Variants in GNPDA1 observed in about 807,000 individuals in gnomAD.
GNPDA1 encodes glucosamine-6-phosphate deaminase 1.
Under a neutral mutation model 28.5 loss-of-function variants are expected in GNPDA1, and 24 were observed. The observed-to-expected ratio is 0.84, with a 90% CI of 0.61 to 1.19. The LOEUF (loss-of-function observed/expected upper bound fraction) is 1.19, where lower values mean the gene tolerates loss of function less well. Among genes scored for constraint, GNPDA1 ranks in the 50% most tolerant of loss-of-function variants. The probability of loss-of-function intolerance (pLI) is 0.00; values close to 1 mark genes in which losing one functional copy is unlikely to be tolerated. For synonymous variants in GNPDA1, 147 were observed against 139.3 expected (o/e 1.06, Z -0.39); for missense variants, 264 against 367.3 (o/e 0.72, Z 2.30).
In GNPDA1 at chr5:142,004,984, AC is replaced by A; in HGVS notation, c.541del (p.Val181CysfsTer6). Reference protein sequence around the residue: ...ARFFDGELTKVPTMALTVGVG... With the variant: ...ARFFDGELTKXPTMALTVGVG... ...CCCCACCGTCAAGGCCATGGTGGGC[AC>A]CTTGGTGAGTTCTCCATCGAAGAAC... is the stretch of plus-strand genomic sequence containing the variant. On this transcript the variant is annotated frameshift_variant, in exon 5 of 7. Transcript: ENST00000311337. LOFTEE classifies it high-confidence loss of function. The A allele has an allele frequency of 6.2e-7, 1 of 1,612,826 alleles. No individual in the cohort carries two copies. Among genetic ancestry groups the A allele is most frequent in the Non-Finnish European group, 8.5e-7 (1 of 1,179,140 alleles).
chr5:142,007,602 A>C (rs1284294772), intron 3 of GNPDA1, among the ~76,000 whole-genome samples, 197 bp downstream of exon 3: 1 of 152,200 alleles, frequency 6.6e-6, no homozygotes, highest in Non-Finnish European at 1.5e-5. Flanking sequence ...GGATTAAATG[A>C]ATTTAATGCT....
Position 142,003,024 on chromosome 5 carries a change from C to A in GNPDA1, c.769+64G>T. 2.9e-6 allele frequency: 4 copies of A among 1,359,630 alleles called. No homozygotes were observed. The highest frequency in any genetic ancestry group is 4.1e-6 in the Non-Finnish European group (4 of 982,282). 84.2% of individuals were successfully genotyped at this position (1,359,630 alleles called of 1,614,324 possible). A position where few individuals can be genotyped will look rare whatever the true frequency, so the allele number is the denominator to read the frequency against. On this transcript the variant is annotated intron_variant, in intron 6 of 6. Coordinates refer to ENST00000311337, the MANE Select transcript of GNPDA1 (RefSeq NM_005471.5). This position sits in a 1 kb window ranked among gnomAD's most constrained non-coding sequence, Gnocchi z 4.0. ...AATGACCAGAGGATGAAAGCTGGATCTACTCCTTACTCCTAGCACACCCTA... is the reference window on the plus strand; with the variant it reads ...AATGACCAGAGGATGAAAGCTGGATATACTCCTTACTCCTAGCACACCCTA...
intron 3 of GNPDA1, among the ~76,000 whole-genome samples, chr5:142,007,452 G>A (rs1419097778): frequency 2.0e-5 from 3 of 152,116 alleles, no homozygotes; most frequent in Non-Finnish European, 2.9e-5. Context: ...GGAAACACCC[G>A]AGCCAGGATC....
At chr5:142,009,231 A>G (rs889375248) in intron 2 of GNPDA1, among the ~76,000 whole-genome samples, 5 of 152,118 alleles carry the variant, frequency 3.3e-5, no homozygotes, top group Admixed American at 6.5e-5. Flanking sequence ...ACCCATCGAG[A>G]TTACGTCATG....
In GNPDA1 at chr5:142,002,002, G is replaced by A. The variant is rs768406078; in HGVS notation, c.*27C>T. The A allele has an allele frequency of 9.6e-6, 11 of 1,141,786 alleles. No individual in the cohort carries two copies. Among genetic ancestry groups the A allele is most frequent in the Middle Eastern group, 2.0e-4 (1 of 5,094 alleles). 70.7% of individuals were successfully genotyped at this position (1,141,786 alleles called of 1,614,324 possible). A position where few individuals can be genotyped will look rare whatever the true frequency, so the allele number is the denominator to read the frequency against. ...CAGAAAGACCTGCCTTTCCCTATGG[G>A]TACTTGACACTAGGTCCCAGCACAG... On this transcript the variant is annotated 3_prime_UTR_variant, in exon 7 of 7. Coordinates refer to ENST00000311337, the MANE Select transcript of GNPDA1 (RefSeq NM_005471.5).
At position 142,005,046 on chromosome 5, in the gene GNPDA1, C is replaced by A; in HGVS notation, c.480G>T (p.Lys160Asn). The A allele has an allele frequency of 6.2e-7, 1 of 1,613,724 alleles. No individual in the cohort carries two copies. Residue 160 changes from lysine to asparagine, a missense_variant, in exon 5 of 7, where the codon AAG (lysine) becomes AAT (asparagine). Physicochemically the swap from Lys to Asn is moderately conservative, Grantham distance 94. Transcript: ENST00000311337. Reference protein sequence around the residue: ...GSSLVSRTRVKTLAMDTILAN... With the variant: ...GSSLVSRTRVNTLAMDTILAN... ...CCAGGATGGTATCCATGGCCAGCGT[C>A]TTCACACGGGTCCTGGACACCAGAC... is the stretch of plus-strand genomic sequence containing the variant.
At chr5:142,011,890 C>T in intron 2 of GNPDA1, 22 bp downstream of exon 2, 2 of 1,613,696 alleles carry the variant, frequency 1.2e-6, no homozygotes, top group Middle Eastern at 1.7e-4. Context: ...ATCCACGGCA[C>T]CCTCTCCATC....
intron 2 of GNPDA1, among the ~76,000 whole-genome samples, chr5:142,008,309 A>ATTTAG (rs1554085828): frequency 6.6e-6 from 1 of 152,066 alleles, no homozygotes; most frequent in Non-Finnish European, 1.5e-5. Flanking sequence ...ATAACTCACT[A>ATTTAG]GGAGTAGAAC....
At chr5:142,012,786 A>G (rs1755995232) in intron 1 of GNPDA1, 5 of 618,224 alleles carry the variant, frequency 8.1e-6, no homozygotes, top group Non-Finnish European at 1.0e-5. Flanking sequence ...GGGAGTGTGA[A>G]GGAAAGAGGC....
chr5:142,011,197 G>A, intron 2 of GNPDA1, among the ~76,000 whole-genome samples: 1 of 150,112 alleles, frequency 6.7e-6, no homozygotes, highest in East Asian at 1.9e-4. Context: ...ATTTACTACT[G>A]GCCATTTACA....
At chr5:142,006,373 C>A in intron 3 of GNPDA1, 47 bp from the exon 4 acceptor site, 1 of 1,435,516 alleles carries the variant, frequency 7.0e-7, no homozygotes, top group Non-Finnish European at 9.7e-7. Flanking sequence ...AAGCCAAAGC[C>A]CCTCTCCTAA....
At chr5:142,007,714 C>A in intron 3 of GNPDA1, 85 bp downstream of exon 3, 1 of 786,114 alleles carries the variant, frequency 1.3e-6, no homozygotes. Context: ...ACTGGCTCCC[C>A]GATTCCTCTC....
At position 142,004,925 on chromosome 5, in the gene GNPDA1, C is replaced by T. The variant is rs763883850; in HGVS notation, c.594+7G>A. 2 of 1,585,840 alleles carry T rather than the reference C, an allele frequency of 1.3e-6. No individual in the cohort carries two copies. Among genetic ancestry groups the T allele is most frequent in the African/African-American group, 1.3e-5 (1 of 74,590 alleles). ...AGCGCAAGCTGGTGGGGCCCTTATG[C>T]CCTTACCTCTCTAGCATCCATGACA... On this transcript the variant is annotated splice_region_variant and intron_variant, in intron 5 of 6. Coordinates refer to ENST00000311337, the MANE Select transcript of GNPDA1 (RefSeq NM_005471.5).
At chr5:142,005,773 CT>C (rs1275082180) in intron 4 of GNPDA1, among the ~76,000 whole-genome samples, 1 of 152,150 alleles carries the variant, frequency 6.6e-6, no homozygotes, top group African/African-American at 2.4e-5. Context: ...AGTCACCTAA[CT>C]TCTCTGGGGT....
At chr5:142,005,749 G>A (rs1174440446) in intron 4 of GNPDA1, among the ~76,000 whole-genome samples, 1 of 152,206 alleles carries the variant, frequency 6.6e-6, no homozygotes, top group African/African-American at 2.4e-5. Flanking sequence ...GCTCCCACCT[G>A]TGAACCTTGA....
chr5:142,003,749 C>T lies in GNPDA1; in HGVS notation c.595-487G>A, dbSNP rs952908500. ...AATCCCAGAAAGGTTGCCCCATTATCTGGTCACTTTCAGTTCACAGCATTA... is the reference window on the plus strand; with the variant it reads ...AATCCCAGAAAGGTTGCCCCATTATTTGGTCACTTTCAGTTCACAGCATTA... On this transcript the variant is annotated intron_variant, in intron 5 of 6. Coordinates refer to ENST00000311337, the MANE Select transcript of GNPDA1 (RefSeq NM_005471.5). This position sits in a 1 kb window ranked among gnomAD's most constrained non-coding sequence, Gnocchi z 4.0. 6.6e-6 allele frequency among the ~76,000 whole-genome samples: 1 copy of T among 152,224 alleles called. No homozygotes were observed. Among genetic ancestry groups the T allele is most frequent in the African/African-American group, 2.4e-5 (1 of 41,448 alleles).
intron 4 of GNPDA1, 93 bp downstream of exon 4, chr5:142,006,051 C>T: frequency 9.4e-7 from 1 of 1,061,134 alleles, no homozygotes; most frequent in Non-Finnish European, 1.4e-6. Context: ...ACTAGCACAC[C>T]CAGAAGAAGC....
At chr5:142,006,976 A>C (rs1755821316) in intron 3 of GNPDA1, among the ~76,000 whole-genome samples, 1 of 152,230 alleles carries the variant, frequency 6.6e-6, no homozygotes, top group Non-Finnish European at 1.5e-5. Flanking sequence ...CCAGTCAAAA[A>C]GACAAATACT....
chr5:142,011,883 C>T lies in GNPDA1; in HGVS notation c.124+29G>A, dbSNP rs750718290. ...GTTGCCTACTCTCTCCACCCTTATC[C>T]ACGGCACCCTCTCCATCCAAGAACG... On this transcript the variant is annotated intron_variant, in intron 2 of 6. Coordinates refer to ENST00000311337, the MANE Select transcript of GNPDA1 (RefSeq NM_005471.5). 3.1e-6 allele frequency: 5 copies of T among 1,613,424 alleles called. No individual in the cohort carries two copies. The South Asian group carries it at 5.5e-5, about 18-fold the overall frequency.
Sources: allele counts gnomAD v4.1 joint callset (sites outside exome capture counted in the v4.1 genomes callset), GRCh38; gene constraint gnomAD v4.1.1; non-coding constraint Gnocchi (gnomAD v3.1); transcripts MANE v1.5; gene names NCBI Gene and HGNC (gene_info 2026-07-23, HGNC 2026-07-21).